The following PLIN3 variants were observed in gnomAD, a reference collection of about 807,000 sequenced individuals.
The protein encoded by PLIN3 is perilipin 3, also known as perilipin-3.
In PLIN3, 30 loss-of-function variants were observed where a neutral mutation model predicts 35.9. That is an observed-to-expected ratio of 0.84 (90% CI 0.62 to 1.13). The LOEUF is 1.13. Ranked by LOEUF, PLIN3 falls within the 50% of genes most tolerant of loss-of-function variation. The probability of loss-of-function intolerance (pLI) is 0.00; values close to 1 mark genes in which losing one functional copy is unlikely to be tolerated. For synonymous variants in PLIN3, 261 were observed against 262.5 expected (o/e 0.99, Z 0.06); for missense variants, 603 against 596.9 (o/e 1.01, Z -0.11).
At chr19:4,842,161 T>G (rs1194308606) in intron 7 of PLIN3, among the ~76,000 whole-genome samples, 2 of 151,740 alleles carry the variant, frequency 1.3e-5, no homozygotes, top group Non-Finnish European at 2.9e-5. Flanking sequence ...GCGCAGTGGG[T>G]CAGGCCTGTA....
Position 4,839,270 on chromosome 19 carries a change from G to A in PLIN3, c.1227C>T (p.Ala409=). Reference sequence around the variant, plus strand: ...CGAGCCACGTGACAGGTGTGTTCTGGGCCACATATTCCACCATGTGGTCCA... The same window carrying A: ...CGAGCCACGTGACAGGTGTGTTCTGAGCCACATATTCCACCATGTGGTCCA... ...EALDHMVEYV[A]QNTPVTWLVG... The change falls in exon 8 of 8, where the codon GCC becomes GCT. Residue 409 remains alanine, a synonymous_variant. Transcript: ENST00000221957. The A allele has an allele frequency of 1.2e-6, 2 of 1,614,052 alleles. No individual in the cohort carries two copies.
chr19:4,841,316 G>A (rs2029887287), intron 7 of PLIN3, among the ~76,000 whole-genome samples: 1 of 152,148 alleles, frequency 6.6e-6, no homozygotes, highest in African/African-American at 2.4e-5. Flanking sequence ...GCCACAGCAT[G>A]GGTGAGCCCT....
intron 7 of PLIN3, among the ~76,000 whole-genome samples, chr19:4,843,197 G>A (rs2029961066): frequency 6.7e-6 from 1 of 149,568 alleles, no homozygotes; most frequent in South Asian, 2.1e-4. Flanking sequence ...ACTCCAGCCT[G>A]GGCAACAGAG....
intron 1 of PLIN3, among the ~76,000 whole-genome samples, chr19:4,863,263 C>A (rs1393854857): frequency 1.3e-5 from 2 of 151,816 alleles, no homozygotes; most frequent in Non-Finnish European, 2.9e-5. Context: ...TTTGGGAGGC[C>A]AAGGCGGGTG....
chr19:4,850,633 A>C (rs1375950115), intron 5 of PLIN3, among the ~76,000 whole-genome samples: 5 of 127,680 alleles, frequency 3.9e-5, no homozygotes, highest in Non-Finnish European at 4.7e-5. Flanking sequence ...ATGGGGTTTC[A>C]CTGTGTTAGC....
chr19:4,864,718 G>A (rs1035917812), intron 1 of PLIN3, among the ~76,000 whole-genome samples: 20 of 152,120 alleles, frequency 1.3e-4, no homozygotes, highest in Admixed American at 1.2e-3. Flanking sequence ...TTCCCCAGGT[G>A]AGTCTATGTA....
At chr19:4,861,131 C>G (rs1242961014) in intron 2 of PLIN3, among the ~76,000 whole-genome samples, 198 bp downstream of exon 2, 1 of 152,170 alleles carries the variant, frequency 6.6e-6, no homozygotes, top group African/African-American at 2.4e-5. Flanking sequence ...CCCTCAGGCC[C>G]TCCAAGGGCC....
At chr19:4,860,642 G>A (rs542462620) in intron 2 of PLIN3, among the ~76,000 whole-genome samples, 1 of 152,296 alleles carries the variant, frequency 6.6e-6, no homozygotes, top group South Asian at 2.1e-4. Flanking sequence ...CAGCCCATGG[G>A]TCACAGCCAG....
At chr19:4,854,763 G>C (rs1192179761) in intron 4 of PLIN3, among the ~76,000 whole-genome samples, 2 of 151,862 alleles carry the variant, frequency 1.3e-5, no homozygotes, top group Non-Finnish European at 2.9e-5. Context: ...CTTCACAAAG[G>C]GGGAAAAAAC....
Position 4,852,226 on chromosome 19 carries a change from T to C in PLIN3, c.424A>G (p.Thr142Ala). The C allele has an allele frequency of 6.2e-7, 1 of 1,610,942 alleles. No individual in the cohort carries two copies. Among genetic ancestry groups the C allele is most frequent in the South Asian group, 1.1e-5 (1 of 91,076 alleles). The change falls in exon 5 of 8, where the codon ACG (threonine) becomes GCG (alanine). Residue 142 changes from threonine to alanine, a missense_variant. Thr to Ala is a moderately conservative substitution (Grantham distance 58, BLOSUM62 0). Transcript: ENST00000221957. ...GCCTCCGACAATTGGGTGGCCACCGTGTCCTTGGCGCTAGACACCATCTCT... is the reference window on the plus strand; with the variant it reads ...GCCTCCGACAATTGGGTGGCCACCGCGTCCTTGGCGCTAGACACCATCTCT... Reference protein sequence around the residue: ...AQEMVSSAKDTVATQLSEAVD... With the variant: ...AQEMVSSAKDAVATQLSEAVD...
chr19:4,859,712 G>A (rs2030602853), intron 3 of PLIN3, 40 bp from the exon 4 acceptor site: 1 of 1,602,616 alleles, frequency 6.2e-7, no homozygotes, highest in African/African-American at 1.3e-5. Context: ...ACTGCTGGAA[G>A]GTCACCTAGT....
rs1230142127 is a variant in PLIN3, at chr19:4,844,729, A to G, written c.899T>C (p.Met300Thr). ...LVEGQEKLHQ[M>T]WLSWNQKQLQ... ...CTGCTTCTGGTTCCAGCTGAGCCAC[A>G]TCTGGTGCAGCTTCTCCTGGCCTTC... Residue 300 changes from methionine (M) to threonine (T), a missense_variant, in exon 7 of 8, where the codon ATG becomes ACG. Met to Thr is a moderately conservative substitution (Grantham distance 81). Transcript: ENST00000221957. 6.2e-7 allele frequency: 1 copy of G among 1,606,558 alleles called. No homozygotes were observed. The highest frequency in any genetic ancestry group is 1.1e-5 in the South Asian group (1 of 89,476).
intron 7 of PLIN3, among the ~76,000 whole-genome samples, chr19:4,843,232 T>G (rs12608908): frequency 7.4e-6 from 1 of 136,010 alleles, no homozygotes; most frequent in Non-Finnish European, 1.6e-5. Flanking sequence ...ATAGGCAGGG[T>G]GCGGTGGCTC....
chr19:4,855,236 C>T (rs11880778), intron 4 of PLIN3, among the ~76,000 whole-genome samples: 29,280 of 126,470 alleles, frequency 0.23, 3,626 homozygotes, highest in East Asian at 0.47. Flanking sequence ...GGCAACAGAA[C>T]GAGACTCCAT....
chr19:4,865,443 C>T (rs1180434936), intron 1 of PLIN3, among the ~76,000 whole-genome samples: 14 of 150,012 alleles, frequency 9.3e-5, no homozygotes, highest in Admixed American at 8.0e-4. Flanking sequence ...GAGTCGAGAT[C>T]GCACCACTGC....
chr19:4,859,537 A>G, intron 4 of PLIN3, 53 bp downstream of exon 4: 2 of 1,485,388 alleles, frequency 1.3e-6, no homozygotes, highest in Admixed American at 1.7e-5. Flanking sequence ...AGCGCACTCC[A>G]CACCCAGGTA....
At chr19:4,840,376 A>T (rs559943303) in intron 7 of PLIN3, among the ~76,000 whole-genome samples, 263 of 135,118 alleles carry the variant, frequency 1.9e-3, no homozygotes, top group Admixed American at 3.3e-3. Flanking sequence ...TTATCCTCTC[A>T]TTTCAGCCTG....
rs369609254 is a variant in PLIN3, at chr19:4,852,260, C to T, written c.390G>A (p.Ser130=). 76 of 1,606,178 alleles carry T rather than the reference C, an allele frequency of 4.7e-5. 1 individual carries two copies. The highest frequency in any genetic ancestry group is 8.9e-5 in the East Asian group (4 of 44,892). ...DTKELVSSKV[S]GAQEMVSSAK... ...CGCTAGACACCATCTCTTGGGCCCC[C>T]GACACCTTAGACGACACAAGCTCCT... The change falls in exon 5 of 8, where the codon TCG becomes TCA. Residue 130 remains serine, a synonymous_variant. Transcript: ENST00000221957.
rs774902476 is a variant in PLIN3 at position 4,844,713 on chromosome 19, G to A, written c.915C>T (p.Asn305=). The A allele has an allele frequency of 1.2e-6, 2 of 1,608,732 alleles. No individual in the cohort carries two copies. Among genetic ancestry groups the A allele is most frequent in the Non-Finnish European group, 1.7e-6 (2 of 1,177,838 alleles). Residue 305 remains asparagine (N), a synonymous_variant, in exon 7 of 8, where the codon AAC becomes AAT. Transcript: ENST00000221957. The part of the protein sequence containing the change: ...EKLHQMWLSW[N]QKQLQGPEKE... Reference sequence around the variant, plus strand: ...TCTCGGGGCCCTGGAGCTGCTTCTGGTTCCAGCTGAGCCACATCTGGTGCA... The same window carrying A: ...TCTCGGGGCCCTGGAGCTGCTTCTGATTCCAGCTGAGCCACATCTGGTGCA...
Sources: gnomAD v4.1 joint callset for allele counts (sites outside exome capture counted in the v4.1 genomes callset) on GRCh38, gnomAD v4.1.1 for gene constraint, MANE v1.5 for transcripts, NCBI Gene and HGNC (gene_info 2026-07-23, HGNC 2026-07-21) for gene names.